The following OTOG variants were observed in gnomAD, a reference collection of about 807,000 sequenced individuals.
The protein encoded by OTOG is otogelin.
OTOG carries 296 observed loss-of-function variants against 313.8 expected under a neutral mutation model. The observed-to-expected ratio is 0.94, with a 90% CI of 0.86 to 1.04. The LOEUF (loss-of-function observed/expected upper bound fraction) is 1.04. OTOG is among the 50% of genes least tolerant of loss of function. OTOG has a pLI of 0.00. For missense variants in OTOG, 3,948 were observed against 3,840.1 expected (o/e 1.03, Z -0.74); for synonymous variants, 1,533 against 1,554.9 (o/e 0.99, Z 0.33).
At position 17,560,653 on chromosome 11, in the gene OTOG, A is replaced by T; in HGVS notation, c.1343-56A>T. On this transcript the variant is annotated intron_variant, in intron 12 of 55. Coordinates refer to ENST00000399397, the MANE Select transcript of OTOG (RefSeq NM_001292063.2). ...TTATCAGAGGCCCTGGGGAGCCACG[A>T]ATGGTTTGTGAACAGGGGCAAAGGT... 5 of 1,324,512 alleles carry T rather than the reference A, an allele frequency of 3.8e-6. No individual in the cohort carries two copies. In the South Asian group the frequency reaches 6.3e-5, roughly 17 times the overall value. 82.0% of individuals were successfully genotyped at this position (1,324,512 alleles called of 1,614,324 possible).
At chr11:17,595,986 C>T in intron 28 of OTOG, 52 bp from the exon 29 acceptor site, 1 of 1,271,830 alleles carries the variant, frequency 7.9e-7, no homozygotes, top group South Asian at 1.3e-5. Context: ...TCATGTCAGG[C>T]AACAGGCATT....
rs959344424 is a variant in OTOG at position 17,612,752 on chromosome 11, A to G, written c.6425A>G (p.Lys2142Arg). 3.2e-6 allele frequency: 5 copies of G among 1,550,354 alleles called. No homozygotes were observed. Among genetic ancestry groups the G allele is most frequent in the African/African-American group, 2.7e-5 (2 of 73,030 alleles). ...EMLTVHVLDC[K>R]SANLGHLNWP... The stretch of plus-strand genomic sequence containing the variant: ...CTCACCGTCCATGTACTGGACTGCA[A>G]AAGTGCCAACCTGGTGCCTGCCCCA... The change falls in exon 38 of 56, where the codon AAA (lysine) becomes AGA (arginine). Residue 2142 changes from lysine (K) to arginine (R), a missense_variant. Physicochemically the swap from Lys to Arg is conservative, Grantham distance 26. Coordinates refer to ENST00000399397, the MANE Select transcript of OTOG (RefSeq NM_001292063.2).
rs1338010306 is a variant in OTOG, at chr11:17,561,763, T to TA, written c.1600_1601insA (p.Ser534TyrfsTer49). The TA allele has an allele frequency of 1.3e-6, 2 of 1,550,548 alleles. No homozygotes were observed. The highest frequency in any genetic ancestry group is 3.9e-5 in the Admixed American group (2 of 51,000). ...GTACATCCTGGCCAAGAGCCGCTCT[T>TA]CGGGCACCTTCACCGTGACATTGCA... is the stretch of plus-strand genomic sequence containing the variant. On this transcript the variant is annotated frameshift_variant, in exon 15 of 56. Transcript: ENST00000399397. LOFTEE classifies it high-confidence loss of function.
intron 28 of OTOG, among the ~76,000 whole-genome samples, chr11:17,595,389 A>G (rs1268580812): frequency 6.6e-6 from 1 of 150,976 alleles, no homozygotes; most frequent in East Asian, 1.9e-4. Context: ...AAACATCTGT[A>G]TTAGTTATCT....
At chr11:17,557,003 G>A in intron 7 of OTOG, 115 bp from the exon 8 acceptor site, 3 of 941,656 alleles carry the variant, frequency 3.2e-6, no homozygotes, top group South Asian at 1.6e-5. Context: ...GAATTCATGG[G>A]GAGGGGAAGT....
At chr11:17,620,343 C>T (rs1412675827) in intron 39 of OTOG, among the ~76,000 whole-genome samples, 1 of 152,214 alleles carries the variant, frequency 6.6e-6, no homozygotes, top group Non-Finnish European at 1.5e-5. Flanking sequence ...CAGACAATAT[C>T]TGACCTTTTG....
Position 17,609,766 on chromosome 11 carries a change from GCC to G in OTOG, c.4469_4470del (p.Pro1490GlnfsTer27). The G allele has an allele frequency of 6.5e-7, 1 of 1,548,992 alleles. No homozygotes were observed. The highest frequency in any genetic ancestry group is 1.2e-5 in the South Asian group (1 of 83,720). The stretch of plus-strand genomic sequence containing the variant: ...GAGGAGCCACAGCTGTCACAGGAAA[GCC>G]CCAGGACCCCCACCCACAGGCCAGC... On this transcript the variant is annotated frameshift_variant, in exon 36 of 56. Coordinates refer to ENST00000399397, the MANE Select transcript of OTOG (RefSeq NM_001292063.2). LOFTEE classifies it high-confidence loss of function.
rs1313701262 is a variant in OTOG at position 17,561,604 on chromosome 11, AG to A, written c.1499-55del. The A allele has an allele frequency of 2.6e-6, 4 of 1,534,742 alleles. No individual in the cohort carries two copies. The African/African-American group carries it at 4.1e-5, about 16-fold the overall frequency. On this transcript the variant is annotated intron_variant, in intron 14 of 55. Coordinates refer to ENST00000399397, the MANE Select transcript of OTOG (RefSeq NM_001292063.2). ...TGTCCTCCTCATACTTGGAGCTTGC[AG>A]GGCAGAGTTCCCCTGGGGCGGCTCC...
intron 38 of OTOG, among the ~76,000 whole-genome samples, chr11:17,613,194 CTTTTCTTTCTTTCTTTCTTTCTTT>C (rs71047558): frequency 1.7e-3 from 84 of 48,696 alleles, no homozygotes; most frequent in Non-Finnish European, 3.1e-3. Context: ...TTCTTTCTTT[CTTTTCTTTCTTTCTTTCTTTCTTT>C]CTTTCTTTCT....
Position 17,612,238 on chromosome 11 carries a change from GT to G in OTOG, c.6201del (p.Gln2069ArgfsTer38). On this transcript the variant is annotated frameshift_variant, in exon 37 of 56. Coordinates refer to ENST00000399397, the MANE Select transcript of OTOG (RefSeq NM_001292063.2). LOFTEE classifies it high-confidence loss of function. ...ATTCGCGTGAATCAGTCCCAGCACT[GT>G]CCCCAGGGTGCTGCTCCCCCTCGCT... is the stretch of plus-strand genomic sequence containing the variant. ...QLIRVNQSQH[C>X]PQGAAPPRCG... is the part of the protein sequence containing the mutation. The G allele has an allele frequency of 6.5e-7, 1 of 1,548,416 alleles. No homozygotes were observed. Among genetic ancestry groups the G allele is most frequent in the Non-Finnish European group, 8.7e-7 (1 of 1,146,982 alleles).
intron 1 of OTOG, 23 bp from the exon 2 acceptor site, chr11:17,547,904 T>A (rs1431457827): frequency 1.1e-5 from 5 of 448,820 alleles, no homozygotes; most frequent in Middle Eastern, 5.8e-4. Context: ...ACAATTTGAG[T>A]GGAGAATAAT....
chr11:17,578,571 A>T (rs1366678390), intron 23 of OTOG, 45 bp downstream of exon 23: 2 of 1,486,594 alleles, frequency 1.3e-6, no homozygotes, highest in African/African-American at 2.8e-5. Context: ...GAAGGCTGGC[A>T]GAACCAAGGG....
Position 17,579,098 on chromosome 11 carries a change from C to T in OTOG, c.2759+572C>T, listed in dbSNP as rs140761911. ...GCCTTGTGTGGGCTCTGTACACCGA[C>T]GTGGCCCAGGGCCTGACACCCAGCT... On this transcript the variant is annotated intron_variant, in intron 23 of 55. Transcript: ENST00000399397. Among the ~76,000 whole-genome samples the T allele has an allele frequency of 3.1e-3, 474 of 152,316 alleles. 2 individuals are homozygous for T. The highest frequency in any genetic ancestry group is 5.2e-3 in the East Asian group (27 of 5,164).
chr11:17,634,809 C>A, intron 44 of OTOG, 35 bp from the exon 45 acceptor site: 1 of 1,523,066 alleles, frequency 6.6e-7, no homozygotes, highest in Admixed American at 2.0e-5. Flanking sequence ...GACATCCGGC[C>A]CCGAGGTGAC....
intron 28 of OTOG, 146 bp from the exon 29 acceptor site, chr11:17,595,892 C>T: frequency 6.1e-6 from 4 of 659,654 alleles, no homozygotes; most frequent in Non-Finnish European, 1.1e-5. Context: ...GTATAGGTCC[C>T]TTCTACACTC....
chr11:17,609,844 C>A lies in OTOG; in HGVS notation c.4544C>A (p.Ala1515Asp). The change falls in exon 36 of 56, where the codon GCC becomes GAC. Residue 1515 changes from alanine (A) to aspartate (D), a missense_variant. Transcript: ENST00000399397. The stretch of plus-strand genomic sequence containing the variant: ...ACAGCCCTGAACCCACCAGTGACAG[C>A]CACTGAGGAGCCAGTGGTGTCTCCA... Reference protein sequence around the residue: ...LTTALNPPVTATEEPVVSPGP... With the variant: ...LTTALNPPVTDTEEPVVSPGP... 1.3e-6 allele frequency: 2 copies of A among 1,521,164 alleles called. No individual in the cohort carries two copies. The highest frequency in any genetic ancestry group is 8.9e-7 in the Non-Finnish European group (1 of 1,128,798). 94.2% of individuals were successfully genotyped at this position (1,521,164 alleles called of 1,614,324 possible). A position where few individuals can be genotyped will look rare whatever the true frequency, so the allele number is the denominator to read the frequency against.
At chr11:17,576,434 T>G in intron 20 of OTOG, 122 bp from the exon 21 acceptor site, 1 of 756,194 alleles carries the variant, frequency 1.3e-6, no homozygotes, top group Non-Finnish European at 2.3e-6. Context: ...TCACTGTAGA[T>G]ACCATTACTT....
At chr11:17,631,385 T>C (rs1033876826) in intron 40 of OTOG, among the ~76,000 whole-genome samples, 36 of 138,058 alleles carry the variant, frequency 2.6e-4, no homozygotes, top group Non-Finnish European at 5.1e-4. Flanking sequence ...TCTCTGTGTG[T>C]GTGTGGGGGG....
intron 12 of OTOG, 25 bp downstream of exon 12, chr11:17,559,687 C>T: frequency 6.5e-7 from 1 of 1,549,856 alleles, no homozygotes; most frequent in South Asian, 1.2e-5. Context: ...GACGTAGGTG[C>T]CTGGCACCAT....
Sources: gnomAD v4.1 joint callset for allele counts (sites outside exome capture counted in the v4.1 genomes callset) on GRCh38, gnomAD v4.1.1 for gene constraint, MANE v1.5 for transcripts, NCBI Gene and HGNC (gene_info 2026-07-23, HGNC 2026-07-21) for gene names.